The following GRM5 variants were observed in gnomAD, a reference collection of about 807,000 sequenced individuals.
GRM5 encodes metabotropic glutamate receptor 5.
Under a neutral mutation model 83.1 loss-of-function variants are expected in GRM5, and 19 were observed. The observed-to-expected ratio is 0.23, with a 90% confidence interval of 0.16 to 0.34. GRM5 has a LOEUF of 0.34. Ranked by LOEUF, GRM5 falls within the 10% of genes least tolerant of loss-of-function variation. The pLI is 1.00. For missense variants in GRM5, 1,160 were observed against 1,588.3 expected (o/e 0.73, Z 4.58); for synonymous variants, 675 against 633.6 (o/e 1.07, Z -0.98).
chr11:88,991,908 C>A (rs1028379005), intron 2 of GRM5, among the ~76,000 whole-genome samples: 1 of 152,084 alleles, frequency 6.6e-6, no homozygotes, highest in African/African-American at 2.4e-5. Context: ...ACCATAAAAA[C>A]CCTAGAAGAA....
chr11:88,838,084 C>CAAAAAAAAAAAAAAAAAAAAAAAAAAAA (rs1157680177), intron 3 of GRM5, among the ~76,000 whole-genome samples: 2 of 55,452 alleles, frequency 3.6e-5, no homozygotes, highest in East Asian at 6.6e-4. Flanking sequence ...GACTCCATCT[C>CAAAAAAAAAAAAAAAAAAAAAAAAAAAA]AAAAAAAAAA....
chr11:88,926,111 C>T (rs1465330306), intron 2 of GRM5, among the ~76,000 whole-genome samples: 2 of 152,098 alleles, frequency 1.3e-5, no homozygotes, highest in African/African-American at 4.8e-5. Context: ...ATGTTAGGTG[C>T]CTCCTGCACC....
At chr11:89,064,854 T>TTCTCTCTCTCTCTCTCTCTC (rs144985912) in intron 1 of GRM5, among the ~76,000 whole-genome samples, 6 of 46,096 alleles carry the variant, frequency 1.3e-4, no homozygotes, top group African/African-American at 5.0e-4. Flanking sequence ...ATTTTTCATA[T>TTCTCTCTCTCTCTCTCTCTC]TCTCTCTCTC....
At chr11:88,680,691 G>T (rs1940458603) in intron 3 of GRM5, among the ~76,000 whole-genome samples, 1 of 152,164 alleles carries the variant, frequency 6.6e-6, no homozygotes, top group Non-Finnish European at 1.5e-5. Context: ...GTATGTTATT[G>T]TGGCACTATT....
chr11:88,648,761 C>G (rs940442594), intron 4 of GRM5, among the ~76,000 whole-genome samples: 1 of 151,654 alleles, frequency 6.6e-6, no homozygotes, highest in Non-Finnish European at 1.5e-5. Flanking sequence ...CTTTAGTTGG[C>G]CTTTTCCTGA....
intron 5 of GRM5, among the ~76,000 whole-genome samples, chr11:88,602,082 T>C (rs201327856): frequency 1.3e-5 from 2 of 148,162 alleles, no homozygotes; most frequent in African/African-American, 5.0e-5. Flanking sequence ...TTTTTTTTTC[T>C]TTTTTTTGTA....
chr11:88,857,802 G>A (rs551785940), intron 2 of GRM5, among the ~76,000 whole-genome samples: 2 of 152,170 alleles, frequency 1.3e-5, no homozygotes, highest in Non-Finnish European at 2.9e-5. Flanking sequence ...TGCAAGAAAT[G>A]TGTATACATA....
intron 2 of GRM5, among the ~76,000 whole-genome samples, chr11:88,882,248 G>GTAAATCAATAAA (rs1944965770): frequency 1.4e-5 from 2 of 143,924 alleles, no homozygotes; most frequent in African/African-American, 5.2e-5. Context: ...AAATAAGTAA[G>GTAAATCAATAAA]TAAATAAATA....
chr11:88,765,553 G>A (rs1434022940), intron 3 of GRM5, among the ~76,000 whole-genome samples: 2 of 151,616 alleles, frequency 1.3e-5, no homozygotes, highest in Admixed American at 1.3e-4. Flanking sequence ...ACAGTCAAAT[G>A]GTTTTTGAGA....
At chr11:88,921,326 C>G (rs1428131255) in intron 2 of GRM5, among the ~76,000 whole-genome samples, 1 of 152,092 alleles carries the variant, frequency 6.6e-6, no homozygotes, top group Non-Finnish European at 1.5e-5. Flanking sequence ...TAAAAATCTT[C>G]AAAATACTGG....
chr11:88,976,540 G>A lies in GRM5; in HGVS notation c.661+70672C>T, dbSNP rs1452084495. Among the ~76,000 whole-genome samples the A allele has an allele frequency of 1.1e-4, 10 of 88,144 alleles. No individual in the cohort carries two copies. The East Asian group carries it at 2.1e-3, about 19-fold the overall frequency. 57.8% of individuals were successfully genotyped at this position (88,144 alleles called of 152,430 possible). ...TAAAAATCCAAGTGCTGAACACAGG[G>A]CTTGGCAAAAAAAAAAAATGAATTA... On this transcript the variant is annotated intron_variant, in intron 2 of 9. Transcript: ENST00000305447.
chr11:88,524,214 C>CTTTTTTTTTTTTTTTTTTTTTTTTT (rs71470770), intron 9 of GRM5, among the ~76,000 whole-genome samples: 3 of 101,410 alleles, frequency 3.0e-5, no homozygotes, highest in Non-Finnish European at 5.6e-5. Flanking sequence ...TTCTTTCTTT[C>CTTTTTTTTTTTTTTTTTTTTTTTTT]TTTTTTTTTT....
At chr11:88,781,599 CAA>C (rs1942978273) in intron 3 of GRM5, among the ~76,000 whole-genome samples, 1 of 152,164 alleles carries the variant, frequency 6.6e-6, no homozygotes, top group African/African-American at 2.4e-5. Flanking sequence ...TTGATTCTCA[CAA>C]ATGGTTCCCT....
intron 3 of GRM5, among the ~76,000 whole-genome samples, chr11:88,683,117 G>T (rs1191904088): frequency 6.6e-6 from 1 of 151,890 alleles, no homozygotes; most frequent in Non-Finnish European, 1.5e-5. Flanking sequence ...ATTTTTCCAG[G>T]CACTTTTCCT....
At chr11:88,810,695 A>T (rs1346448643) in intron 3 of GRM5, among the ~76,000 whole-genome samples, 1 of 152,146 alleles carries the variant, frequency 6.6e-6, no homozygotes, top group Non-Finnish European at 1.5e-5. Context: ...TTGATATTTT[A>T]TCATATTAAA....
At chr11:88,536,802 C>T (rs375260101) in intron 8 of GRM5, among the ~76,000 whole-genome samples, 1 of 152,108 alleles carries the variant, frequency 6.6e-6, no homozygotes, top group Non-Finnish European at 1.5e-5. Context: ...TGCCACATTC[C>T]TTTTGGGACC....
intron 3 of GRM5, among the ~76,000 whole-genome samples, chr11:88,726,153 G>A (rs1463644716): frequency 6.6e-6 from 1 of 152,014 alleles, no homozygotes; most frequent in Non-Finnish European, 1.5e-5. Flanking sequence ...AAAGATGAGA[G>A]GAATTGCTGA....
At chr11:88,636,534 A>T (rs1028706621) in intron 4 of GRM5, among the ~76,000 whole-genome samples, 1 of 151,744 alleles carries the variant, frequency 6.6e-6, no homozygotes, top group East Asian at 1.9e-4. Context: ...AAAAAAAAAA[A>T]GAGTTTCTGT....
chr11:88,560,606 C>A (rs1181332756), intron 8 of GRM5, among the ~76,000 whole-genome samples: 1 of 152,136 alleles, frequency 6.6e-6, no homozygotes, highest in Non-Finnish European at 1.5e-5. Context: ...CCCATCAAGT[C>A]AGCAAAGTGA....
Sources: gnomAD v4.1 joint callset for allele counts (sites outside exome capture counted in the v4.1 genomes callset) on GRCh38, gnomAD v4.1.1 for gene constraint, MANE v1.5 for transcripts, NCBI Gene and HGNC (gene_info 2026-07-23, HGNC 2026-07-21) for gene names.